The following ADARB2 variants were observed in gnomAD, a reference collection of about 807,000 sequenced individuals.
ADARB2 encodes inactive double-stranded RNA-specific editase B2.
A neutral mutation model predicts 62.2 loss-of-function variants in ADARB2; 25 were observed. The ratio of observed to expected loss-of-function variants is 0.40; its 90% CI spans 0.29 to 0.56. The LOEUF (loss-of-function observed/expected upper bound fraction) is 0.56. ADARB2 is among the 20% of genes least tolerant of loss of function. ADARB2 has a pLI of 0.43. For synonymous variants in ADARB2, 572 were observed against 500.8 expected (o/e 1.14, Z -1.90); for missense variants, 1,071 against 1,077.4 (o/e 0.99, Z 0.08).
intron 1 of ADARB2, among the ~76,000 whole-genome samples, chr10:1,454,276 A>G (rs1443883410): frequency 6.6e-6 from 1 of 152,332 alleles, no homozygotes; most frequent in East Asian, 1.9e-4. Context: ...GGTTGCTCCT[A>G]TGACACTGGG....
chr10:1,262,040 G>C (rs1564239307), intron 4 of ADARB2, among the ~76,000 whole-genome samples: 4 of 146,102 alleles, frequency 2.7e-5, no homozygotes, highest in Non-Finnish European at 4.4e-5. Context: ...ACTATCGCAA[G>C]AACAAACAAC....
At chr10:1,720,313 G>A (rs997773337) in intron 1 of ADARB2, among the ~76,000 whole-genome samples, 2 of 152,326 alleles carry the variant, frequency 1.3e-5, no homozygotes, top group Admixed American at 6.5e-5. Context: ...TTATAAGTGG[G>A]AGGTAAACAC....
At chr10:1,474,983 TC>T (rs1451695105) in intron 1 of ADARB2, among the ~76,000 whole-genome samples, 1 of 152,020 alleles carries the variant, frequency 6.6e-6, no homozygotes, top group Non-Finnish European at 1.5e-5. Flanking sequence ...TGCCTGTGAA[TC>T]TATTGCACAG....
At chr10:1,428,182 A>G (rs1054632146) in intron 1 of ADARB2, among the ~76,000 whole-genome samples, 1 of 151,940 alleles carries the variant, frequency 6.6e-6, no homozygotes, top group Non-Finnish European at 1.5e-5. Context: ...CATATTGGCC[A>G]GGCTGGTCTC....
chr10:1,576,593 C>G (rs12247112), intron 1 of ADARB2, among the ~76,000 whole-genome samples: 1 of 152,226 alleles, frequency 6.6e-6, no homozygotes, highest in East Asian at 1.9e-4. Context: ...CTCCATCCAG[C>G]GATCTTCGGT....
At chr10:1,653,965 G>A (rs1346937513) in intron 1 of ADARB2, among the ~76,000 whole-genome samples, 3 of 152,112 alleles carry the variant, frequency 2.0e-5, no homozygotes, top group Non-Finnish European at 4.4e-5. Context: ...GTAACAGAAT[G>A]AGCATAAAAT....
intron 1 of ADARB2, among the ~76,000 whole-genome samples, chr10:1,430,157 G>A (rs1301208821): frequency 6.6e-6 from 1 of 152,196 alleles, no homozygotes; most frequent in Non-Finnish European, 1.5e-5. Context: ...ACTCGAAGTG[G>A]CAAGGCACTG....
chr10:1,721,929 G>A (rs1469631593), intron 1 of ADARB2, among the ~76,000 whole-genome samples: 5 of 152,184 alleles, frequency 3.3e-5, no homozygotes, highest in Non-Finnish European at 7.3e-5. Context: ...ATCAGAGATT[G>A]ATACTTACTG....
intron 1 of ADARB2, among the ~76,000 whole-genome samples, chr10:1,676,985 C>A (rs1834474123): frequency 6.6e-6 from 1 of 151,872 alleles, no homozygotes; most frequent in African/African-American, 2.4e-5. Flanking sequence ...GGGGAGGAGC[C>A]CCCCTGACCT....
intron 3 of ADARB2, among the ~76,000 whole-genome samples, chr10:1,273,338 G>A (rs977479839): frequency 9.9e-5 from 15 of 152,144 alleles, no homozygotes; most frequent in Admixed American, 8.5e-4. Context: ...ACGGCTCACT[G>A]CAACCTTGAA....
intron 1 of ADARB2, among the ~76,000 whole-genome samples, chr10:1,461,981 A>T (rs1460346620): frequency 2.0e-5 from 3 of 152,210 alleles, no homozygotes; most frequent in Non-Finnish European, 4.4e-5. Flanking sequence ...CAGCCTGGGC[A>T]ACAGAGTGAG....
chr10:1,365,590 C>T (rs1278187221), intron 2 of ADARB2, among the ~76,000 whole-genome samples: 1 of 152,166 alleles, frequency 6.6e-6, no homozygotes, highest in African/African-American at 2.4e-5. Context: ...GTCTTACCAC[C>T]TTCATCAGAC....
chr10:1,587,663 C>T (rs896590692), intron 1 of ADARB2, among the ~76,000 whole-genome samples: 2 of 152,194 alleles, frequency 1.3e-5, no homozygotes, highest in South Asian at 4.2e-4. Flanking sequence ...TGAAACCAAG[C>T]ATTTTATTTT....
chr10:1,569,381 A>G (rs887597227), intron 1 of ADARB2, among the ~76,000 whole-genome samples: 2 of 152,208 alleles, frequency 1.3e-5, no homozygotes, highest in Admixed American at 6.5e-5. Context: ...AGCCTGTGTC[A>G]TGAACCCCCA....
At chr10:1,242,455 C>T (rs924905867) in intron 4 of ADARB2, among the ~76,000 whole-genome samples, 156 bp from the exon 5 acceptor site, 2 of 152,216 alleles carry the variant, frequency 1.3e-5, no homozygotes, top group Non-Finnish European at 2.9e-5. Flanking sequence ...CTGTGTGCTC[C>T]AGGCTGTCAC....
intron 1 of ADARB2, among the ~76,000 whole-genome samples, chr10:1,511,476 G>A (rs60594293): frequency 0.02 from 3,041 of 152,180 alleles, 103 homozygotes; most frequent in African/African-American, 0.068. Context: ...CAAAGTCAAC[G>A]AGGTAGGGAT....
rs546873798 is a variant in ADARB2 at position 1,358,845 on chromosome 10, A to T, written c.1077+4183T>A. ...GAGGGTGAAAGATAAACTCACAAAC[A>T]AGTCAATAAACTTCCTTTTCAGAGT... On this transcript the variant is annotated intron_variant, in intron 3 of 9. Transcript: ENST00000381312. 8.9e-4 allele frequency among the ~76,000 whole-genome samples: 135 copies of T among 152,244 alleles called. 1 individual carries two copies. Among genetic ancestry groups the T allele is most frequent in the African/African-American group, 3.2e-3 (131 of 41,496 alleles).
chr10:1,553,151 T>C (rs753752435), intron 1 of ADARB2, among the ~76,000 whole-genome samples: 10 of 152,240 alleles, frequency 6.6e-5, no homozygotes, highest in Non-Finnish European at 1.2e-4. Context: ...AGGTGGCTCA[T>C]AACATTGGGA....
intron 8 of ADARB2, among the ~76,000 whole-genome samples, chr10:1,187,536 G>C (rs1372882810): frequency 6.6e-6 from 1 of 152,254 alleles, no homozygotes; most frequent in Non-Finnish European, 1.5e-5. Flanking sequence ...GGACCTCCTG[G>C]TTCCTTGTCA....
Sources: allele counts gnomAD v4.1 joint callset (sites outside exome capture counted in the v4.1 genomes callset), GRCh38; gene constraint gnomAD v4.1.1; transcripts MANE v1.5; gene names NCBI Gene and HGNC (gene_info 2026-07-23, HGNC 2026-07-21).